SHISAL1: variants seen among roughly 807,000 people sequenced by gnomAD.
SHISAL1 encodes the protein protein shisa-like-1.
Under a neutral mutation model 22.6 loss-of-function variants are expected in SHISAL1, and 9 were observed. That is an observed-to-expected ratio of 0.40 (90% CI 0.24 to 0.70). The LOEUF (loss-of-function observed/expected upper bound fraction) is 0.70, where lower values mean the gene tolerates loss of function less well. Among genes scored for constraint, SHISAL1 ranks in the 30% least tolerant of loss-of-function variants. SHISAL1 has a pLI of 0.39. For missense variants in SHISAL1, 246 were observed against 270.6 expected (o/e 0.91, Z 0.64); for synonymous variants, 119 against 115.4 (o/e 1.03, Z -0.20).
intron 2 of SHISAL1, among the ~76,000 whole-genome samples, chr22:44,298,938 G>C (rs1407615210): frequency 6.6e-6 from 1 of 152,258 alleles, no homozygotes; most frequent in African/African-American, 2.4e-5. Context: ...CCCTGGGCTG[G>C]GAGCCGGGAC....
intron 3 of SHISAL1, 109 bp from the exon 4 acceptor site, chr22:44,285,854 C>T (rs548953701): frequency 4.2e-6 from 4 of 952,542 alleles, no homozygotes; most frequent in South Asian, 3.1e-5. Context: ...ATGTTGGGGT[C>T]CCCGGGAGGA....
At chr22:44,265,067 G>A (rs1367883320) in intron 4 of SHISAL1, among the ~76,000 whole-genome samples, 1 of 152,132 alleles carries the variant, frequency 6.6e-6, no homozygotes, top group Non-Finnish European at 1.5e-5. Context: ...CCCCCCATCT[G>A]TAAAATGCGG....
chr22:44,320,328 T>A, the SHISAL1 span, among the ~76,000 whole-genome samples: 1 of 152,104 alleles, frequency 6.6e-6, no homozygotes, highest in Non-Finnish European at 1.5e-5. Flanking sequence ...ATGCTGCCCC[T>A]CTGAGACCCC....
intron 4 of SHISAL1, among the ~76,000 whole-genome samples, chr22:44,274,653 G>C (rs115199078): frequency 6.6e-6 from 1 of 152,138 alleles, no homozygotes; most frequent in Non-Finnish European, 1.5e-5. Flanking sequence ...TAGAAAGGTC[G>C]GGTAAAATCG....
At chr22:44,300,413 G>A (rs867694369) in intron 2 of SHISAL1, among the ~76,000 whole-genome samples, 5 of 152,220 alleles carry the variant, frequency 3.3e-5, no homozygotes, top group African/African-American at 9.6e-5. Context: ...GGGAGAGCAG[G>A]AGCCCACCTG....
At chr22:44,299,144 T>TGTAAAGGGCA (rs924034642) in intron 2 of SHISAL1, among the ~76,000 whole-genome samples, 1 of 152,044 alleles carries the variant, frequency 6.6e-6, no homozygotes, top group Non-Finnish European at 1.5e-5. Flanking sequence ...CACTAGAGGC[T>TGTAAAGGGCA]GTAAAGGGCA....
In SHISAL1 at chr22:44,248,882, G is replaced by A. The variant is rs2055025589; in HGVS notation, c.*803C>T. The A allele has an allele frequency of 6.6e-6, 1 of 152,156 alleles. No homozygotes were observed. 9.4% of individuals were successfully genotyped at this position (152,156 alleles called of 1,614,324 possible). On this transcript the variant is annotated 3_prime_UTR_variant, in exon 5 of 5. Coordinates refer to ENST00000381176, the MANE Select transcript of SHISAL1 (RefSeq NM_001099294.2). ...TCCCCACTGTGAGTTTTTCTGCAGG[G>A]GGTTAATCATACCTGCCTCCCAGGT...
chr22:44,302,379 G>A (rs887218113), intron 1 of SHISAL1, among the ~76,000 whole-genome samples: 2 of 150,808 alleles, frequency 1.3e-5, no homozygotes, highest in African/African-American at 2.4e-5. Context: ...AGGAGTTAAA[G>A]TAGTAAGTTC....
At chr22:44,317,698 A>T (rs2055566725), upstream of SHISAL1, among the ~76,000 whole-genome samples, 1 of 152,116 alleles carries the variant, frequency 6.6e-6, no homozygotes, top group South Asian at 2.1e-4. Context: ...ATTGTTGGGG[A>T]AGGCAAGGAG....
rs1160505208 is a variant in SHISAL1, at chr22:44,248,327, C to T, written c.*1358G>A. On this transcript the variant is annotated 3_prime_UTR_variant, in exon 5 of 5. Coordinates refer to ENST00000381176, the MANE Select transcript of SHISAL1 (RefSeq NM_001099294.2). ...GACACACACATTGATCAAGCAGGGC[C>T]TCCCGAGCTAAGAGCTGGGGGAGAT... 6.6e-6 allele frequency: 1 copy of T among 152,260 alleles called. No individual in the cohort carries two copies. The highest frequency in any genetic ancestry group is 2.4e-5 in the African/African-American group (1 of 41,456). The allele number at this position is 152,260 out of a possible 1,614,324, so 9.4% of individuals were successfully genotyped here.
rs2055021834 is a variant in SHISAL1, at chr22:44,248,392, T to C, written c.*1293A>G. ...ACCCATGGAATGAGTGTGTCTACAC[T>C]GGCAGCATGGCCTTTGGAGATGTTT... On this transcript the variant is annotated 3_prime_UTR_variant, in exon 5 of 5. Coordinates refer to ENST00000381176, the MANE Select transcript of SHISAL1 (RefSeq NM_001099294.2). 1 of 145,808 alleles carries C rather than the reference T, an allele frequency of 6.9e-6. No individual in the cohort carries two copies. Among genetic ancestry groups the C allele is most frequent in the South Asian group, 2.1e-4 (1 of 4,826 alleles). 9.0% of individuals were successfully genotyped at this position (145,808 alleles called of 1,614,324 possible).
intron 1 of SHISAL1, among the ~76,000 whole-genome samples, chr22:44,304,792 A>G (rs1458196924): frequency 1.3e-5 from 2 of 152,054 alleles, no homozygotes; most frequent in African/African-American, 4.8e-5. Flanking sequence ...GCTCCATTCT[A>G]CAGATGGGGA....
chr22:44,329,862 C>T, the SHISAL1 span, among the ~76,000 whole-genome samples: 38 of 152,276 alleles, frequency 2.5e-4, no homozygotes, highest in South Asian at 1.0e-3. Flanking sequence ...CACTTCTCAC[C>T]GAAGCTGAAG....
At chr22:44,298,915 G>A (rs941444714) in intron 2 of SHISAL1, among the ~76,000 whole-genome samples, 4 of 152,204 alleles carry the variant, frequency 2.6e-5, no homozygotes, top group African/African-American at 2.4e-5. Context: ...CTGCCTTCCC[G>A]GAGCCAACAG....
rs933650403 is a variant in SHISAL1, at chr22:44,310,174, C to G, written c.-33+2577G>C. Among the ~76,000 whole-genome samples the G allele has an allele frequency of 6.6e-6, 1 of 152,246 alleles. No individual in the cohort carries two copies. Among genetic ancestry groups the G allele is most frequent in the African/African-American group, 2.4e-5 (1 of 41,454 alleles). On this transcript the variant is annotated intron_variant, in intron 1 of 4. Coordinates refer to ENST00000381176, the MANE Select transcript of SHISAL1 (RefSeq NM_001099294.2). The surrounding 1 kb of genome is among the most constrained non-coding windows in gnomAD (Gnocchi z 4.0). ...ATGCCTAGCCCTGCAGCGGTCACAT[C>G]CCCGAACCCAGCCCTGCTGAGACCA... is the stretch of plus-strand genomic sequence containing the variant.
rs142181833 is a variant in SHISAL1, at chr22:44,257,743, C to T, written c.*-8058G>A. On this transcript the variant is annotated intron_variant, in intron 4 of 4. Transcript: ENST00000381176. ...CCACCGTGCTCAGCAGACGATCCAG[C>T]AACCTCTCTCTGCATGCACTTCCCG... Among the ~76,000 whole-genome samples the T allele has an allele frequency of 2.4e-4, 37 of 152,356 alleles. No individual in the cohort carries two copies. The East Asian group carries it at 7.1e-3, about 29-fold the overall frequency.
At chr22:44,307,668 C>T (rs2055488883) in intron 1 of SHISAL1, among the ~76,000 whole-genome samples, 1 of 152,194 alleles carries the variant, frequency 6.6e-6, no homozygotes, top group African/African-American at 2.4e-5. Context: ...GCATGCATCT[C>T]TGCGGGCCAC....
chr22:44,309,711 T>TAA (rs948891060), intron 1 of SHISAL1, among the ~76,000 whole-genome samples: 15 of 152,186 alleles, frequency 9.9e-5, no homozygotes, highest in African/African-American at 3.4e-4. Context: ...CGTGTGCACA[T>TAA]ATGTATCATC....
At chr22:44,273,478 T>G (rs917489552) in intron 4 of SHISAL1, among the ~76,000 whole-genome samples, 1 of 152,246 alleles carries the variant, frequency 6.6e-6, no homozygotes, top group Non-Finnish European at 1.5e-5. Flanking sequence ...TTTAATACAA[T>G]GTATTTAATT....
Sources: gnomAD v4.1 joint callset for allele counts (sites outside exome capture counted in the v4.1 genomes callset) on GRCh38, gnomAD v4.1.1 for gene constraint, Gnocchi (gnomAD v3.1) non-coding constraint, MANE v1.5 for transcripts, NCBI Gene and HGNC (gene_info 2026-07-23, HGNC 2026-07-21) for gene names.